Variants in AGBL1 observed in about 807,000 individuals in gnomAD.
The protein encoded by AGBL1 is cytosolic carboxypeptidase 4.
In AGBL1, 130 loss-of-function variants were observed where a neutral mutation model predicts 118.9. The ratio of observed to expected loss-of-function variants is 1.09; its 90% confidence interval spans 0.95 to 1.26. The LOEUF is 1.26. AGBL1 is among the 50% of genes most tolerant of loss of function. The pLI is 0.00. For synonymous variants in AGBL1, 555 were observed against 478.9 expected (o/e 1.16, Z -2.08); for missense variants, 1,584 against 1,298.1 (o/e 1.22, Z -3.38).
chr15:86,283,183 C>T (rs1253628973), intron 16 of AGBL1, among the ~76,000 whole-genome samples: 3 of 152,080 alleles, frequency 2.0e-5, no homozygotes, highest in East Asian at 1.9e-4. Context: ...AAAGTGTTAG[C>T]AATAATCGTT....
chr15:87,018,560 C>A (rs577449292), intron 24 of AGBL1, among the ~76,000 whole-genome samples: 1 of 152,210 alleles, frequency 6.6e-6, no homozygotes, highest in South Asian at 2.1e-4. Flanking sequence ...CAAGCAAATG[C>A]TGGAGGAATT....
At chr15:86,671,164 T>C (rs2085739842) in intron 21 of AGBL1, among the ~76,000 whole-genome samples, 2 of 152,150 alleles carry the variant, frequency 1.3e-5, no homozygotes, top group Admixed American at 1.3e-4. Context: ...CAATAAAATA[T>C]AAGCAAGAGT....
intron 6 of AGBL1, among the ~76,000 whole-genome samples, chr15:86,241,775 C>G (rs2078645225): frequency 6.6e-6 from 1 of 152,190 alleles, no homozygotes; most frequent in South Asian, 2.1e-4. Flanking sequence ...CATGTTCAAA[C>G]TGTAACATTG....
chr15:86,503,133 A>C (rs1462872557), intron 18 of AGBL1, among the ~76,000 whole-genome samples: 2 of 151,406 alleles, frequency 1.3e-5, no homozygotes, highest in Non-Finnish European at 3.0e-5. Context: ...TTATAGGTCT[A>C]TTTCAATTTA....
chr15:86,245,306 T>A (rs1007946397), intron 6 of AGBL1, among the ~76,000 whole-genome samples: 2 of 152,244 alleles, frequency 1.3e-5, no homozygotes, highest in Non-Finnish European at 2.9e-5. Context: ...ATTTTGCTTA[T>A]CTGATTATAC....
intron 18 of AGBL1, among the ~76,000 whole-genome samples, chr15:86,404,514 A>C (rs1343886342): frequency 6.6e-6 from 1 of 152,188 alleles, no homozygotes; most frequent in African/African-American, 2.4e-5. Context: ...AATGTATTTA[A>C]AGTCCTTTGG....
intron 21 of AGBL1, among the ~76,000 whole-genome samples, chr15:86,623,079 G>A (rs569802301): frequency 1.3e-5 from 2 of 152,306 alleles, no homozygotes; most frequent in East Asian, 3.9e-4. Flanking sequence ...TGCAAGCGAT[G>A]GGAGGTGCCT....
At chr15:86,751,175 C>A (rs950996282) in intron 22 of AGBL1, among the ~76,000 whole-genome samples, 5 of 151,964 alleles carry the variant, frequency 3.3e-5, no homozygotes, top group Non-Finnish European at 7.4e-5. Flanking sequence ...GTATTTATGT[C>A]TTTAGGTCTT....
At chr15:86,967,457 T>C (rs180968420) in intron 23 of AGBL1, among the ~76,000 whole-genome samples, 2 of 152,296 alleles carry the variant, frequency 1.3e-5, no homozygotes, top group East Asian at 1.9e-4. Flanking sequence ...TTTATGGTTT[T>C]AGGTCTAACA....
At chr15:86,638,084 C>CT (rs2085127253) in intron 21 of AGBL1, among the ~76,000 whole-genome samples, 1 of 152,114 alleles carries the variant, frequency 6.6e-6, no homozygotes, top group African/African-American at 2.4e-5. Flanking sequence ...TACTTCTCAT[C>CT]TTCTTTCAAC....
chr15:86,217,824 G>T (rs968123877), intron 5 of AGBL1, among the ~76,000 whole-genome samples: 1 of 148,094 alleles, frequency 6.8e-6, no homozygotes, highest in African/African-American at 2.5e-5. Context: ...AGGGCCTCCT[G>T]GTCCATGTTT....
intron 24 of AGBL1, among the ~76,000 whole-genome samples, chr15:86,995,814 T>G (rs2081374438): frequency 6.6e-6 from 1 of 152,220 alleles, no homozygotes; most frequent in Admixed American, 6.5e-5. Flanking sequence ...TGTTTGGGAA[T>G]TTTTAGTCAT....
chr15:86,815,873 T>C (rs1168886319), intron 22 of AGBL1, among the ~76,000 whole-genome samples: 1 of 152,136 alleles, frequency 6.6e-6, no homozygotes, highest in Admixed American at 6.5e-5. Context: ...ACAGAACATT[T>C]ATAGCAAAGG....
chr15:86,983,030 T>C (rs1240639882), intron 23 of AGBL1, among the ~76,000 whole-genome samples: 1 of 152,188 alleles, frequency 6.6e-6, no homozygotes, highest in Middle Eastern at 3.2e-3. Flanking sequence ...ATTTCCATTT[T>C]TCATTAGAAT....
chr15:86,224,087 C>T (rs185987867), intron 5 of AGBL1, among the ~76,000 whole-genome samples: 1 of 152,248 alleles, frequency 6.6e-6, no homozygotes, highest in East Asian at 1.9e-4. Flanking sequence ...GGAAACAGAT[C>T]ACTGCTTAGC....
chr15:86,780,657 C>CTTTTTT (rs71144066), intron 22 of AGBL1, among the ~76,000 whole-genome samples: 4 of 143,002 alleles, frequency 2.8e-5, no homozygotes, highest in Non-Finnish European at 6.0e-5. Context: ...TCTTTAACTT[C>CTTTTTT]TTTTTTTTTT....
rs147441717 is a variant in AGBL1, at chr15:86,346,279, G to T, written c.2374+50871G>T. ...TATAAGGCACGAGCCACTGTGCCCAGCCCATAGCTCCTCCTTTTAAAAAGT... is the reference window on the plus strand; with the variant it reads ...TATAAGGCACGAGCCACTGTGCCCATCCCATAGCTCCTCCTTTTAAAAAGT... On this transcript the variant is annotated intron_variant, in intron 17 of 22. Coordinates refer to ENST00000614907, the MANE Select transcript of AGBL1 (RefSeq NM_001386094.1). Among the ~76,000 whole-genome samples the T allele has an allele frequency of 4.4e-3, 665 of 151,430 alleles. 8 individuals carry two copies. The highest frequency in any genetic ancestry group is 7.1e-3 in the South Asian group (34 of 4,780).
downstream of AGBL1, among the ~76,000 whole-genome samples, chr15:87,030,479 T>G (rs1241748043): frequency 1.3e-5 from 2 of 151,990 alleles, no homozygotes; most frequent in Non-Finnish European, 2.9e-5. Context: ...TTACAACTCT[T>G]TGCTTGACCA....
chr15:86,743,098 A>G (rs1567151454), intron 22 of AGBL1, among the ~76,000 whole-genome samples: 1 of 151,644 alleles, frequency 6.6e-6, no homozygotes, highest in Non-Finnish European at 1.5e-5. Context: ...TGGTCACAGC[A>G]ATGTTAAAGA....
Sources: gnomAD v4.1 joint callset for allele counts (sites outside exome capture counted in the v4.1 genomes callset) on GRCh38, gnomAD v4.1.1 for gene constraint, MANE v1.5 for transcripts, NCBI Gene and HGNC (gene_info 2026-07-23, HGNC 2026-07-21) for gene names.